The following IKZF2 variants were observed in gnomAD, a reference collection of about 807,000 sequenced individuals.
IKZF2 encodes the protein zinc finger protein Helios.
IKZF2 carries 15 observed loss-of-function variants against 49.2 expected under a neutral mutation model. That is an observed-to-expected ratio of 0.30 (90% CI 0.20 to 0.47). The LOEUF (loss-of-function observed/expected upper bound fraction) is 0.47. IKZF2 is among the 20% of genes least tolerant of loss of function. The pLI is 1.00. For missense variants in IKZF2, 567 were observed against 664.6 expected (o/e 0.85, Z 1.61); for synonymous variants, 227 against 221.4 (o/e 1.03, Z -0.23).
Position 213,013,917 on chromosome 2 carries a change from A to C in IKZF2, c.730T>G (p.Cys244Gly). 6.2e-7 allele frequency: 1 copy of C among 1,611,512 alleles called. No individual in the cohort carries two copies. The highest frequency in any genetic ancestry group is 8.5e-7 in the Non-Finnish European group (1 of 1,178,120). ...MSHHVPPMED[C>G]KEQEPIMDNN... Reference sequence around the variant, plus strand: ...TCCATAATAGGCTCTTGTTCCTTACAATCTTCCATAGGAGGTACTATACAA... The same window carrying C: ...TCCATAATAGGCTCTTGTTCCTTACCATCTTCCATAGGAGGTACTATACAA... The change falls in exon 8 of 9, where the codon TGT (cysteine) becomes GGT (glycine). Residue 244 changes from cysteine (C) to glycine (G), a missense_variant. Physicochemically the swap from Cys to Gly is radical, Grantham distance 159. This residue lies in a region of IKZF2 where 310 missense variants were observed against 326.9 expected (regional missense o/e 0.95). Transcript: ENST00000434687.
intron 6 of IKZF2, among the ~76,000 whole-genome samples, chr2:213,023,425 G>A (rs572140707): frequency 6.6e-5 from 10 of 152,272 alleles, no homozygotes; most frequent in East Asian, 1.9e-4. Context: ...TATCATAAAA[G>A]TTATTTATGG....
intron 4 of IKZF2, among the ~76,000 whole-genome samples, chr2:213,134,906 T>C (rs1460038951): frequency 2.0e-5 from 3 of 152,262 alleles, no homozygotes; most frequent in Non-Finnish European, 4.4e-5. Context: ...AAGTGGAGTC[T>C]GTGGCTTGTC....
At chr2:213,039,681 G>A (rs1245527251) in intron 6 of IKZF2, among the ~76,000 whole-genome samples, 1 of 151,976 alleles carries the variant, frequency 6.6e-6, no homozygotes, top group Non-Finnish European at 1.5e-5. Context: ...AAAGTTATGT[G>A]ATACAGATAA....
chr2:213,126,770 G>A (rs1448729644), intron 4 of IKZF2, among the ~76,000 whole-genome samples: 1 of 152,008 alleles, frequency 6.6e-6, no homozygotes, highest in African/African-American at 2.4e-5. Flanking sequence ...TTCCAATACT[G>A]TCAAATACAA....
intron 4 of IKZF2, among the ~76,000 whole-genome samples, chr2:213,073,920 C>A (rs1702974387): frequency 6.6e-6 from 1 of 152,166 alleles, no homozygotes; most frequent in South Asian, 2.1e-4. Context: ...GAAACTTGTA[C>A]CTATTTGACC....
intron 4 of IKZF2, among the ~76,000 whole-genome samples, chr2:213,124,257 CACACACA>C (rs1248646955): frequency 1.2e-4 from 4 of 34,154 alleles, no homozygotes; most frequent in African/African-American, 4.2e-4. Flanking sequence ...CGCGCGCACA[CACACACA>C]CACACACACA....
chr2:213,049,636 C>A, intron 6 of IKZF2, 77 bp downstream of exon 6: 1 of 1,089,818 alleles, frequency 9.2e-7, no homozygotes, highest in Admixed American at 2.6e-5. Flanking sequence ...ATAACAAAGC[C>A]ATGTTACTAT....
chr2:213,049,528 C>A (rs1700486475), intron 6 of IKZF2, among the ~76,000 whole-genome samples, 185 bp downstream of exon 6: 1 of 152,082 alleles, frequency 6.6e-6, no homozygotes, highest in South Asian at 2.1e-4. Flanking sequence ...TTCTGCCAAG[C>A]CGTAAAGTCT....
intron 6 of IKZF2, among the ~76,000 whole-genome samples, chr2:213,026,828 T>C (rs989960277): frequency 6.6e-6 from 1 of 152,148 alleles, no homozygotes; most frequent in Non-Finnish European, 1.5e-5. Flanking sequence ...TGAAATGATA[T>C]TTTTGTTGCT....
intron 7 of IKZF2, among the ~76,000 whole-genome samples, chr2:213,021,085 T>A (rs980482651): frequency 2.6e-5 from 4 of 152,058 alleles, no homozygotes. Flanking sequence ...TGGTGGTACA[T>A]GCCTGTAATC....
intron 2 of IKZF2, among the ~76,000 whole-genome samples, chr2:213,149,562 G>A (rs561629231): frequency 1.3e-5 from 2 of 151,708 alleles, no homozygotes; most frequent in East Asian, 1.9e-4. Context: ...TTCCCCCTTT[G>A]GCCTTGGTCC....
At chr2:213,135,864 A>G (rs2060639996) in intron 4 of IKZF2, among the ~76,000 whole-genome samples, 1 of 151,038 alleles carries the variant, frequency 6.6e-6, no homozygotes, top group Non-Finnish European at 1.5e-5. Flanking sequence ...CCTGACCAAC[A>G]TGGTGAAACC....
chr2:213,047,247 C>T lies in IKZF2; in HGVS notation c.574+2466G>A, dbSNP rs142549165. On this transcript the variant is annotated intron_variant, in intron 6 of 8. Coordinates refer to ENST00000434687, the MANE Select transcript of IKZF2 (RefSeq NM_001387220.1). ...TTTATGGCAAGACAAATACAATTAG[C>T]GCAAATCTATAGAATGCATGGGTCA... Among the ~76,000 whole-genome samples, 121 of 152,208 alleles carry T rather than the reference C, an allele frequency of 7.9e-4. 1 individual carries two copies. In the South Asian group the frequency reaches 0.013, roughly 17 times the overall value.
intron 4 of IKZF2, among the ~76,000 whole-genome samples, chr2:213,076,121 A>AT (rs11390903): frequency 0.44 from 66,957 of 151,790 alleles, 16,042 homozygotes; most frequent in African/African-American, 0.59. Context: ...ACTAAACAGG[A>AT]TTTTTTTTAA....
At chr2:213,139,074 AG>A (rs1290498642) in intron 4 of IKZF2, among the ~76,000 whole-genome samples, 1 of 152,006 alleles carries the variant, frequency 6.6e-6, no homozygotes, top group East Asian at 1.9e-4. Context: ...GTCTTCATAA[AG>A]TTAGGCTATA....
Position 213,088,480 on chromosome 2 carries a change from C to A in IKZF2, c.140-31381G>T, listed in dbSNP as rs1704922566. ...CAGCTTTAAAAATAATTTTCCTGGC[C>A]TGGCACAGTGGCTCACACCTGTAAT... On this transcript the variant is annotated intron_variant, in intron 4 of 8. Coordinates refer to ENST00000434687, the MANE Select transcript of IKZF2 (RefSeq NM_001387220.1). Among the ~76,000 whole-genome samples the A allele has an allele frequency of 2.0e-5, 3 of 152,090 alleles. 1 individual carries two copies.
In IKZF2 at chr2:213,083,771, A is replaced by C. The variant is rs139435509; in HGVS notation, c.140-26672T>G. ...GCTTGTGTGCTCCTTATGAGAATCT[A>C]ACGCCTGATGATCTGTCACTGTCTC... is the stretch of plus-strand genomic sequence containing the variant. On this transcript the variant is annotated intron_variant, in intron 4 of 8. Transcript: ENST00000434687. 4.0e-4 allele frequency among the ~76,000 whole-genome samples: 60 copies of C among 150,650 alleles called. No individual in the cohort carries two copies. The Middle Eastern group carries it at 0.014, about 34-fold the overall frequency.
At chr2:213,030,607 T>G (rs549181185) in intron 6 of IKZF2, among the ~76,000 whole-genome samples, 5 of 152,292 alleles carry the variant, frequency 3.3e-5, no homozygotes, top group Admixed American at 3.3e-4. Flanking sequence ...GAGGTTCTTT[T>G]GGATGTTTAG....
chr2:213,119,302 T>G (rs1040625811), intron 4 of IKZF2, among the ~76,000 whole-genome samples: 1 of 152,180 alleles, frequency 6.6e-6, no homozygotes, highest in Non-Finnish European at 1.5e-5. Flanking sequence ...TAACCTTTGC[T>G]AGGGCACTGG....
Sources: allele counts gnomAD v4.1 joint callset (sites outside exome capture counted in the v4.1 genomes callset), GRCh38; gene constraint gnomAD v4.1.1; regional missense constraint gnomAD v4.1.1; transcripts MANE v1.5; gene names NCBI Gene and HGNC (gene_info 2026-07-23, HGNC 2026-07-21).